Variants in TENM2 observed in about 807,000 individuals in gnomAD.
TENM2 encodes teneurin-2.
TENM2 carries 52 observed loss-of-function variants against 245.2 expected under a neutral mutation model. That is an observed-to-expected ratio of 0.21 (90% CI 0.17 to 0.27). The LOEUF (loss-of-function observed/expected upper bound fraction) is 0.27, where lower values mean the gene tolerates loss of function less well. TENM2 is among the 10% of genes least tolerant of loss of function. The pLI, the probability that TENM2 is intolerant of heterozygous loss-of-function variation, is 1.00. For missense variants in TENM2, 3,046 were observed against 3,666.8 expected (o/e 0.83, Z 4.37); for synonymous variants, 1,363 against 1,438.9 (o/e 0.95, Z 1.19).
chr5:167,751,807 T>G (rs960854724), intron 2 of TENM2, among the ~76,000 whole-genome samples: 8 of 152,070 alleles, frequency 5.3e-5, no homozygotes, highest in Admixed American at 2.6e-4. Flanking sequence ...GAAAGCAGGT[T>G]TTATGGTTAT....
the TENM2 span, among the ~76,000 whole-genome samples, chr5:167,075,502 A>ACAG: frequency 1.3e-5 from 2 of 152,256 alleles, no homozygotes; most frequent in South Asian, 2.1e-4. Context: ...GGTGCTGGGA[A>ACAG]CTTCCTTGAG....
At chr5:168,012,623 G>T (rs573000697) in intron 5 of TENM2, among the ~76,000 whole-genome samples, 2 of 149,286 alleles carry the variant, frequency 1.3e-5, no homozygotes, top group African/African-American at 2.5e-5. Context: ...ACTCCAGCCT[G>T]GGTGACAGAA....
chr5:168,241,266 T>C (rs1766076915), intron 25 of TENM2, among the ~76,000 whole-genome samples: 1 of 151,842 alleles, frequency 6.6e-6, no homozygotes, highest in Non-Finnish European at 1.5e-5. Context: ...TTTGTTCTTT[T>C]TTTTTTTGAA....
At chr5:167,487,374 C>T (rs1377154797) in intron 2 of TENM2, among the ~76,000 whole-genome samples, 2 of 151,758 alleles carry the variant, frequency 1.3e-5, no homozygotes, top group East Asian at 3.9e-4. Flanking sequence ...AGTATGTGCC[C>T]GTATGTGTTT....
At chr5:167,030,104 C>T in the TENM2 span, among the ~76,000 whole-genome samples, 4 of 152,148 alleles carry the variant, frequency 2.6e-5, no homozygotes, top group African/African-American at 9.7e-5. Context: ...ACAACGTCCT[C>T]ATCCTCTATT....
At chr5:167,979,808 C>T (rs1381786568) in intron 4 of TENM2, among the ~76,000 whole-genome samples, 1 of 152,138 alleles carries the variant, frequency 6.6e-6, no homozygotes, top group Admixed American at 6.5e-5. Context: ...GACTTCACAA[C>T]AGATTTTAAA....
At chr5:167,722,654 G>A (rs1759710739) in intron 2 of TENM2, among the ~76,000 whole-genome samples, 1 of 152,024 alleles carries the variant, frequency 6.6e-6, no homozygotes, top group African/African-American at 2.4e-5. Context: ...CACGCCTGTA[G>A]TCCCAGCTAC....
the TENM2 span, among the ~76,000 whole-genome samples, chr5:167,191,571 G>T: frequency 3.3e-5 from 5 of 151,984 alleles, no homozygotes; most frequent in Non-Finnish European, 7.4e-5. Flanking sequence ...TTCCTTAGAT[G>T]AAAGGCATGC....
chr5:167,212,851 A>G, the TENM2 span, among the ~76,000 whole-genome samples: 2 of 152,186 alleles, frequency 1.3e-5, no homozygotes, highest in African/African-American at 4.8e-5. Flanking sequence ...CCTACTCCAT[A>G]TGCACATAGG....
At chr5:167,322,224 T>G (rs564551406) in intron 1 of TENM2, among the ~76,000 whole-genome samples, 52 of 151,958 alleles carry the variant, frequency 3.4e-4, no homozygotes, top group East Asian at 9.7e-4. Context: ...TTTTTTTTTT[T>G]TTGTTGCTGT....
chr5:168,229,979 C>CT (rs960966776), intron 25 of TENM2: 15 of 152,298 alleles, frequency 9.8e-5, no homozygotes, highest in African/African-American at 3.4e-4. Context: ...GTAATCGTGC[C>CT]TTTTCTCTGA....
chr5:167,061,067 G>A, the TENM2 span, among the ~76,000 whole-genome samples: 3 of 148,260 alleles, frequency 2.0e-5, no homozygotes, highest in African/African-American at 7.5e-5. Flanking sequence ...TTCTAGGGGT[G>A]GTGCGTGATT....
At chr5:167,551,599 C>CACAT (rs1385502926) in intron 2 of TENM2, among the ~76,000 whole-genome samples, 24 of 152,234 alleles carry the variant, frequency 1.6e-4, no homozygotes, top group African/African-American at 5.3e-4. Flanking sequence ...TATATACACA[C>CACAT]ACATACATAC....
At chr5:167,663,166 GAGAGAGAGAGAGAGAGAGAGAA>G (rs1386828338) in intron 2 of TENM2, among the ~76,000 whole-genome samples, 2 of 150,862 alleles carry the variant, frequency 1.3e-5, no homozygotes, top group African/African-American at 4.9e-5. Flanking sequence ...GAGAGAGAGA[GAGAGAGAGAGAGAGAGAGAGAA>G]AGAGAGAGAA....
chr5:167,732,299 T>C (rs183961264), intron 2 of TENM2, among the ~76,000 whole-genome samples: 1 of 152,302 alleles, frequency 6.6e-6, no homozygotes, highest in African/African-American at 2.4e-5. Flanking sequence ...TTCTTTTAGA[T>C]TTTTTAAAGC....
chr5:167,296,871 C>G (rs1754976082), intron 1 of TENM2, among the ~76,000 whole-genome samples: 1 of 152,198 alleles, frequency 6.6e-6, no homozygotes, highest in African/African-American at 2.4e-5. Flanking sequence ...CTGAGTTGTC[C>G]TAGCTGAGCA....
At chr5:168,168,591 G>A (rs2152464315) in intron 13 of TENM2, among the ~76,000 whole-genome samples, 1 of 151,392 alleles carries the variant, frequency 6.6e-6, no homozygotes, top group Middle Eastern at 3.4e-3. Context: ...GGCCGAGGTA[G>A]AAGGATCGCT....
At chr5:167,089,260 T>C in the TENM2 span, among the ~76,000 whole-genome samples, 1 of 152,214 alleles carries the variant, frequency 6.6e-6, no homozygotes. Context: ...TTATTTTGCA[T>C]GTTTTTTGCA....
At chr5:167,550,090 A>G (rs1250079581) in intron 2 of TENM2, among the ~76,000 whole-genome samples, 1 of 152,212 alleles carries the variant, frequency 6.6e-6, no homozygotes, top group Non-Finnish European at 1.5e-5. Context: ...TTTTGCCTTC[A>G]GTCAAATGCA....
Sources: allele counts gnomAD v4.1 joint callset (sites outside exome capture counted in the v4.1 genomes callset), GRCh38; gene constraint gnomAD v4.1.1; transcripts MANE v1.5; gene names NCBI Gene and HGNC (gene_info 2026-07-23, HGNC 2026-07-21).